Variants in BTAF1 observed in about 807,000 individuals in gnomAD.
BTAF1 encodes the protein B-TFIID TATA-box binding protein associated factor 1.
In BTAF1, 38 loss-of-function variants were observed where a neutral mutation model predicts 227.1. The ratio of observed to expected loss-of-function variants is 0.17; its 90% CI spans 0.13 to 0.22. The LOEUF (loss-of-function observed/expected upper bound fraction) is 0.22. BTAF1 is among the 10% of genes least tolerant of loss of function. The probability of loss-of-function intolerance (pLI) is 1.00; values close to 1 mark genes in which losing one functional copy is unlikely to be tolerated. For missense variants in BTAF1, 1,598 were observed against 2,204.0 expected, an observed-to-expected ratio of 0.73 and a Z score of 5.51; for synonymous variants, 742 against 751.9, an observed-to-expected ratio of 0.99 and a Z score of 0.21.
chr10:91,968,012 T>G (rs1237485388), intron 14 of BTAF1, among the ~76,000 whole-genome samples: 1 of 152,200 alleles, frequency 6.6e-6, no homozygotes, highest in Non-Finnish European at 1.5e-5. Flanking sequence ...ATTAGTGTGG[T>G]ACATTTATTA....
intron 5 of BTAF1, among the ~76,000 whole-genome samples, chr10:91,953,393 A>T (rs1489551552): frequency 6.6e-6 from 1 of 152,110 alleles, no homozygotes; most frequent in African/African-American, 2.4e-5. Flanking sequence ...TTCTATTGAC[A>T]TTTATTCTCA....
chr10:91,984,542 T>C (rs147604784), intron 19 of BTAF1, 138 bp downstream of exon 19: 121 of 717,008 alleles, frequency 1.7e-4, no homozygotes, highest in African/African-American at 1.7e-3. Flanking sequence ...TCTCTACCCT[T>C]GAGAAAGGTT....
intron 1 of BTAF1, among the ~76,000 whole-genome samples, chr10:91,934,316 C>T (rs944423584): frequency 6.6e-6 from 1 of 151,996 alleles, no homozygotes; most frequent in Non-Finnish European, 1.5e-5. Context: ...CTCATTACAA[C>T]CTCTGCCTCC....
chr10:92,015,288 ATTT>A (rs936273379), intron 32 of BTAF1, among the ~76,000 whole-genome samples: 6 of 152,056 alleles, frequency 3.9e-5, no homozygotes, highest in Non-Finnish European at 7.4e-5. Flanking sequence ...CTCTTTGAAA[ATTT>A]TTTTATGTTC....
intron 4 of BTAF1, among the ~76,000 whole-genome samples, chr10:91,949,537 A>T (rs1275656882): frequency 6.6e-6 from 1 of 152,166 alleles, no homozygotes; most frequent in Non-Finnish European, 1.5e-5. Flanking sequence ...TGCTTGTTTT[A>T]GCAGACATTT....
intron 3 of BTAF1, 32 bp from the exon 4 acceptor site, chr10:91,942,390 T>A (rs1210817044): frequency 6.3e-7 from 1 of 1,598,834 alleles, no homozygotes; most frequent in South Asian, 1.1e-5. Flanking sequence ...TTTGGCTATA[T>A]GGTCAAATTA....
rs746271223 is a variant in BTAF1 at position 92,027,102 on chromosome 10, C to G, written c.5236-28C>G. 1.9e-6 allele frequency: 3 copies of G among 1,593,484 alleles called. No homozygotes were observed. The South Asian group carries it at 3.5e-5, about 18-fold the overall frequency. Reference sequence around the variant, plus strand: ...GAACCTCAAAGCATAATATGTGTTACGGTTGCTTAACTGTTTTTCTTATCC... The same window carrying G: ...GAACCTCAAAGCATAATATGTGTTAGGGTTGCTTAACTGTTTTTCTTATCC... On this transcript the variant is annotated intron_variant, in intron 36 of 37. Transcript: ENST00000265990.
At chr10:91,962,758 T>C in intron 12 of BTAF1, 80 bp downstream of exon 12, 1 of 1,308,994 alleles carries the variant, frequency 7.6e-7, no homozygotes, top group East Asian at 2.5e-5. Context: ...ATACATTGTG[T>C]ACATTTTTCT....
intron 30 of BTAF1, among the ~76,000 whole-genome samples, chr10:92,012,369 C>G (rs1471256386): frequency 7.9e-6 from 1 of 126,622 alleles, no homozygotes. Context: ...ACCTCAGCCT[C>G]CCAAGTAGCT....
At chr10:91,995,689 A>G (rs1849094253) in intron 23 of BTAF1, among the ~76,000 whole-genome samples, 1 of 151,922 alleles carries the variant, frequency 6.6e-6, no homozygotes, top group African/African-American at 2.4e-5. Flanking sequence ...AAAAAAAAGA[A>G]GGAAAAAAAA....
chr10:92,006,820 C>T (rs560916386), intron 25 of BTAF1, among the ~76,000 whole-genome samples: 6 of 152,230 alleles, frequency 3.9e-5, no homozygotes, highest in African/African-American at 1.4e-4. Context: ...TAAAAAATGG[C>T]TATGTTAATA....
chr10:91,933,466 G>A (rs1181507972), intron 1 of BTAF1, among the ~76,000 whole-genome samples: 1 of 152,144 alleles, frequency 6.6e-6, no homozygotes, highest in Non-Finnish European at 1.5e-5. Flanking sequence ...TTGAATATGA[G>A]TATTCTCCCG....
intron 33 of BTAF1, among the ~76,000 whole-genome samples, chr10:92,017,574 G>T (rs1850828376): frequency 6.6e-6 from 1 of 151,868 alleles, no homozygotes; most frequent in African/African-American, 2.4e-5. Flanking sequence ...GGAGTGGTGG[G>T]ATCATAGCTT....
intron 18 of BTAF1, 27 bp downstream of exon 18, chr10:91,982,788 A>G (rs1462308627): frequency 6.4e-7 from 1 of 1,561,018 alleles, no homozygotes; most frequent in East Asian, 2.3e-5. Context: ...AAAGTAATAA[A>G]GACAAATTAA....
intron 1 of BTAF1, among the ~76,000 whole-genome samples, chr10:91,925,653 A>G (rs918658223): frequency 5.9e-5 from 9 of 151,948 alleles, no homozygotes; most frequent in Non-Finnish European, 1.2e-4. Context: ...CTGGGACCAC[A>G]GGCACCCGCC....
intron 14 of BTAF1, among the ~76,000 whole-genome samples, chr10:91,980,067 A>T (rs986263611): frequency 6.6e-6 from 1 of 152,186 alleles, no homozygotes; most frequent in Non-Finnish European, 1.5e-5. Flanking sequence ...AACTCTGATC[A>T]TCTAGCACAA....
At chr10:91,955,770 G>A (rs942947211) in intron 6 of BTAF1, among the ~76,000 whole-genome samples, 7 of 152,166 alleles carry the variant, frequency 4.6e-5, no homozygotes, top group Admixed American at 4.6e-4. Context: ...TACTAATGTG[G>A]CTAGATGTGG....
rs776238323 is a variant in BTAF1 at position 92,030,854 on chromosome 10, A to G, written c.*1921A>G. Among the ~76,000 whole-genome samples, 31 of 152,212 alleles carry G rather than the reference A, an allele frequency of 2.0e-4. No individual in the cohort carries two copies. The highest frequency in any genetic ancestry group is 3.5e-4 in the Non-Finnish European group (24 of 68,028). ...GTAAATCACACATTCCAACTTTTCCATAGAAAGGAAAACATGTAAACAGGT... is the reference window on the plus strand; with the variant it reads ...GTAAATCACACATTCCAACTTTTCCGTAGAAAGGAAAACATGTAAACAGGT... On this transcript the variant is annotated 3_prime_UTR_variant, in exon 38 of 38. Coordinates refer to ENST00000265990, the MANE Select transcript of BTAF1 (RefSeq NM_003972.3).
chr10:91,984,163 T>A, intron 18 of BTAF1, 38 bp from the exon 19 acceptor site: 1 of 1,566,634 alleles, frequency 6.4e-7, no homozygotes, highest in Non-Finnish European at 8.8e-7. Context: ...AAGTTAATGT[T>A]CATACAGTTA....
Sources: allele counts gnomAD v4.1 joint callset (sites outside exome capture counted in the v4.1 genomes callset), GRCh38; gene constraint gnomAD v4.1.1; transcripts MANE v1.5; gene names NCBI Gene and HGNC (gene_info 2026-07-23, HGNC 2026-07-21).